WRNIP1: variants seen among roughly 807,000 people sequenced by gnomAD.
WRNIP1 encodes WRN helicase interacting protein 1, also known as ATPase WRNIP1.
In WRNIP1, 41 loss-of-function variants were observed where a neutral mutation model predicts 56.1. The ratio of observed to expected loss-of-function variants is 0.73; its 90% CI spans 0.57 to 0.95. The LOEUF is 0.95. Ranked by LOEUF, WRNIP1 falls within the 40% of genes least tolerant of loss-of-function variation. The pLI, the probability that WRNIP1 is intolerant of heterozygous loss-of-function variation, is 0.00. For synonymous variants in WRNIP1, 547 were observed against 398.1 expected (o/e 1.37, Z -4.45); for missense variants, 1,170 against 939.4 (o/e 1.25, Z -3.21).
Position 2,765,677 on chromosome 6 carries a change from C to T in WRNIP1, c.55C>T (p.Gln19Ter). The T allele has an allele frequency of 1.3e-6, 2 of 1,553,312 alleles. No homozygotes were observed. Among genetic ancestry groups the T allele is most frequent in the African/African-American group, 1.4e-5 (1 of 70,630 alleles). The change falls in exon 1 of 7, where the codon CAG becomes TAG. Residue 19 changes from glutamine to a stop codon, truncating the protein, a stop_gained. Transcript: ENST00000380773. LOFTEE classifies it high-confidence loss of function. ...DPFLSQLHQVQCPVCQQMMPA... is the reference protein window; with the variant it reads ...DPFLSQLHQV ...CTTCCTTTCGCAGCTGCACCAGGTG[C>T]AGTGCCCCGTGTGCCAGCAGATGAT...
At chr6:2,781,346 T>A (rs1765556599) in intron 4 of WRNIP1, among the ~76,000 whole-genome samples, 1 of 152,242 alleles carries the variant, frequency 6.6e-6, no homozygotes, top group Non-Finnish European at 1.5e-5. Context: ...CCAGTATGAG[T>A]GTGTTTACAC....
Position 2,765,568 on chromosome 6 carries a change from G to C in WRNIP1, c.-55G>C. Reference sequence around the variant, plus strand: ...CTAGCGGAGGGCATCGAAGGCCTCCGCGTGCGCACGGGTTGCTGCGGCCGC... The same window carrying C: ...CTAGCGGAGGGCATCGAAGGCCTCCCCGTGCGCACGGGTTGCTGCGGCCGC... On this transcript the variant is annotated 5_prime_UTR_variant, in exon 1 of 7. Coordinates refer to ENST00000380773, the MANE Select transcript of WRNIP1 (RefSeq NM_020135.3). 7.1e-7 allele frequency: 1 copy of C among 1,403,604 alleles called. No homozygotes were observed. Among genetic ancestry groups the C allele is most frequent in the Non-Finnish European group, 9.2e-7 (1 of 1,085,394 alleles). 86.9% of individuals were successfully genotyped at this position (1,403,604 alleles called of 1,614,324 possible). A position where few individuals can be genotyped will look rare whatever the true frequency, so the allele number is the denominator to read the frequency against.
intron 3 of WRNIP1, among the ~76,000 whole-genome samples, chr6:2,778,690 T>C (rs1456868434): frequency 1.3e-5 from 2 of 152,224 alleles, no homozygotes; most frequent in South Asian, 2.1e-4. Context: ...AAGAGAATCC[T>C]GAGACCTGCT....
rs914215302 is a variant in WRNIP1 at position 2,766,014 on chromosome 6, C to T, written c.392C>T (p.Ser131Phe). ...ATCCCCGACTTCCCGGTGGCCCGCTCCAGCAGCCCCGGGAGGAAGGGGTCG... is the reference window on the plus strand; with the variant it reads ...ATCCCCGACTTCCCGGTGGCCCGCTTCAGCAGCCCCGGGAGGAAGGGGTCG... Reference protein sequence around the residue: ...RLIPDFPVARSSSPGRKGSGK... With the variant: ...RLIPDFPVARFSSPGRKGSGK... The change falls in exon 1 of 7, where the codon TCC becomes TTC. Residue 131 changes from serine to phenylalanine, a missense_variant. Transcript: ENST00000380773. 114 of 1,339,618 alleles carry T rather than the reference C, an allele frequency of 8.5e-5. No homozygotes were observed. The highest frequency in any genetic ancestry group is 1.0e-4 in the Non-Finnish European group (109 of 1,045,256). The allele number at this position is 1,339,618 out of a possible 1,614,324, so 83.0% of individuals were successfully genotyped here.
chr6:2,780,005 C>G (rs949169857), intron 4 of WRNIP1, among the ~76,000 whole-genome samples: 56 of 152,152 alleles, frequency 3.7e-4, no homozygotes, highest in African/African-American at 1.3e-3. Context: ...TTTAATTTTG[C>G]TGTGTGCACT....
intron 3 of WRNIP1, among the ~76,000 whole-genome samples, chr6:2,774,649 C>T (rs548021062): frequency 6.6e-6 from 1 of 152,206 alleles, no homozygotes; most frequent in Non-Finnish European, 1.5e-5. Flanking sequence ...TTAGGACTTA[C>T]ATCTTTTGGG....
Position 2,765,765 on chromosome 6 carries a change from C to T in WRNIP1, c.143C>T (p.Ala48Val), listed in dbSNP as rs745664022. ...CTGCTGCTCCACCCGGCGGGGCACG[C>T]GGAGCCCGCGGCCGGGTCGCACCGC... ...RCLLLHPAGHAEPAAGSHRAG... is the reference protein window; with the variant it reads ...RCLLLHPAGHVEPAAGSHRAG... The change falls in exon 1 of 7, where the codon GCG becomes GTG. Residue 48 changes from alanine (A) to valine (V), a missense_variant. By Grantham distance (64) the Ala-to-Val change is moderately conservative. Transcript: ENST00000380773. 3 of 1,472,458 alleles carry T rather than the reference C, an allele frequency of 2.0e-6. No individual in the cohort carries two copies. The highest frequency in any genetic ancestry group is 3.0e-5 in the East Asian group (1 of 33,566). 91.2% of individuals were successfully genotyped at this position (1,472,458 alleles called of 1,614,324 possible). A position where few individuals can be genotyped will look rare whatever the true frequency, so the allele number is the denominator to read the frequency against.
chr6:2,771,778 C>A (rs947639934), intron 3 of WRNIP1, among the ~76,000 whole-genome samples: 12 of 152,050 alleles, frequency 7.9e-5, no homozygotes, highest in African/African-American at 2.2e-4. Flanking sequence ...GTAGGTTTCC[C>A]GTAACAGAAT....
Position 2,766,497 on chromosome 6 carries a change from A to G in WRNIP1, c.822+53A>G, listed in dbSNP as rs973372929. ...CCGTAGTTATCTCGGCGGTGGATGC[A>G]GCTGATGGTCGGAGAGCCGGGTGTG... On this transcript the variant is annotated intron_variant, in intron 1 of 6. Transcript: ENST00000380773. 2.1e-5 allele frequency: 31 copies of G among 1,449,734 alleles called. No homozygotes were observed. The Admixed American group carries it at 6.5e-4, about 30-fold the overall frequency. 89.8% of individuals were successfully genotyped at this position (1,449,734 alleles called of 1,614,324 possible).
rs577613907 is a variant in WRNIP1 at position 2,782,810 on chromosome 6, C to T, written c.1487-596C>T. 3.4e-3 allele frequency among the ~76,000 whole-genome samples: 519 copies of T among 152,332 alleles called. 1 individual carries two copies. The highest frequency in any genetic ancestry group is 0.012 in the African/African-American group (501 of 41,560). ...CGGTGAGAGAGTGGGCTTCCGTCCA[C>T]TTCAGGGCGGAAGCTGGTTAGTCCA... On this transcript the variant is annotated intron_variant, in intron 4 of 6. Coordinates refer to ENST00000380773, the MANE Select transcript of WRNIP1 (RefSeq NM_020135.3).
chr6:2,780,355 G>A (rs1561915598), intron 4 of WRNIP1, among the ~76,000 whole-genome samples: 1 of 152,180 alleles, frequency 6.6e-6, no homozygotes, highest in Non-Finnish European at 1.5e-5. Flanking sequence ...AAGGGGTGGA[G>A]GGGCTTAAGA....
chr6:2,769,498 T>C (rs888081615), intron 2 of WRNIP1, among the ~76,000 whole-genome samples: 1 of 152,172 alleles, frequency 6.6e-6, no homozygotes, highest in African/African-American at 2.4e-5. Flanking sequence ...GGCATAACTT[T>C]AAAAAATTTT....
chr6:2,766,523 C>G (rs928731964), intron 1 of WRNIP1, 79 bp downstream of exon 1: 3 of 1,424,518 alleles, frequency 2.1e-6, no homozygotes, highest in Middle Eastern at 1.9e-4. Context: ...GCCGGGTGTG[C>G]TGCCCTCGAA....
Position 2,770,158 on chromosome 6 carries a change from T to G in WRNIP1, c.1053T>G (p.Thr351=). 1.2e-6 allele frequency: 2 copies of G among 1,614,236 alleles called. No individual in the cohort carries two copies. Among genetic ancestry groups the G allele is most frequent in the Non-Finnish European group, 1.7e-6 (2 of 1,180,042 alleles). ...FLPHVECGTI[T]LIGATTENPS... is the part of the protein sequence containing the mutation. ...CTCACGTGGAATGTGGGACGATCACTCTGATTGGGGCAACCACTGAAAACC... is the reference window on the plus strand; with the variant it reads ...CTCACGTGGAATGTGGGACGATCACGCTGATTGGGGCAACCACTGAAAACC... Residue 351 remains threonine (T), a synonymous_variant, in exon 3 of 7, where the codon ACT becomes ACG. Transcript: ENST00000380773.
chr6:2,768,992 C>T, intron 2 of WRNIP1, 110 bp downstream of exon 2: 4 of 1,144,162 alleles, frequency 3.5e-6, no homozygotes, highest in Middle Eastern at 3.1e-4. Flanking sequence ...TACAAAGAAG[C>T]GTAGGCTTGT....
rs1764894452 is a variant in WRNIP1 at position 2,765,471 on chromosome 6, C to T, written c.-152C>T. The T allele has an allele frequency of 2.0e-6, 2 of 977,172 alleles. No individual in the cohort carries two copies. The highest frequency in any genetic ancestry group is 2.6e-6 in the Non-Finnish European group (2 of 756,312). 60.5% of individuals were successfully genotyped at this position (977,172 alleles called of 1,614,324 possible). A position where few individuals can be genotyped will look rare whatever the true frequency, so the allele number is the denominator to read the frequency against. ...GGACGCGGGAGCTGCGGACGTGAGGCATGAGCGGCGCCCTCCTCCGGCCCG... is the reference window on the plus strand; with the variant it reads ...GGACGCGGGAGCTGCGGACGTGAGGTATGAGCGGCGCCCTCCTCCGGCCCG... On this transcript the variant is annotated 5_prime_UTR_variant, in exon 1 of 7. Coordinates refer to ENST00000380773, the MANE Select transcript of WRNIP1 (RefSeq NM_020135.3).
At chr6:2,773,131 A>G in intron 3 of WRNIP1, 3 of 985,478 alleles carry the variant, frequency 3.0e-6, no homozygotes, top group Non-Finnish European at 3.6e-6. Context: ...GTTGTCACAC[A>G]GTATACTCAT....
intron 4 of WRNIP1, among the ~76,000 whole-genome samples, chr6:2,782,892 AAGG>A (rs997272293): frequency 1.3e-5 from 2 of 152,174 alleles, no homozygotes; most frequent in Non-Finnish European, 2.9e-5. Context: ...AGGCTGGCAG[AAGG>A]AGGTTTAAAT....
chr6:2,782,969 A>G (rs536314387), intron 4 of WRNIP1, among the ~76,000 whole-genome samples: 6 of 152,320 alleles, frequency 3.9e-5, no homozygotes, highest in African/African-American at 1.4e-4. Flanking sequence ...ATGGGCTATA[A>G]CAGCTGCCCT....
Sources: allele counts gnomAD v4.1 joint callset (sites outside exome capture counted in the v4.1 genomes callset), GRCh38; gene constraint gnomAD v4.1.1; transcripts MANE v1.5; gene names NCBI Gene and HGNC (gene_info 2026-07-23, HGNC 2026-07-21).